The following ADGRL4 variants were observed in gnomAD, a reference collection of about 807,000 sequenced individuals.
The protein encoded by ADGRL4 is adhesion G protein-coupled receptor L4.
A neutral mutation model predicts 74.8 loss-of-function variants in ADGRL4; 90 were observed. The observed-to-expected ratio is 1.20, with a 90% confidence interval of 1.02 to 1.43. The LOEUF (loss-of-function observed/expected upper bound fraction) is 1.43. ADGRL4 is among the 40% of genes most tolerant of loss of function. The probability of loss-of-function intolerance (pLI) is 0.00; values close to 1 mark genes in which losing one functional copy is unlikely to be tolerated. For synonymous variants in ADGRL4, 311 were observed against 279.2 expected (o/e 1.11, Z -1.14); for missense variants, 881 against 814.3 (o/e 1.08, Z -1.00).
At chr1:78,925,730 C>T (rs1376527157) in intron 8 of ADGRL4, among the ~76,000 whole-genome samples, 1 of 151,958 alleles carries the variant, frequency 6.6e-6, no homozygotes, top group Non-Finnish European at 1.5e-5. Context: ...CCAGGAATTA[C>T]CGTGAAGAGT....
chr1:78,915,679 G>T (rs1223502049), intron 12 of ADGRL4, among the ~76,000 whole-genome samples: 2 of 151,794 alleles, frequency 1.3e-5, no homozygotes, highest in African/African-American at 4.8e-5. Flanking sequence ...GGCCTAAACT[G>T]TTGGTGGTTC....
chr1:78,934,425 T>A (rs1649311004), intron 7 of ADGRL4, among the ~76,000 whole-genome samples: 1 of 152,134 alleles, frequency 6.6e-6, no homozygotes. Flanking sequence ...AAGACTTAAA[T>A]GTAAAACCCA....
chr1:78,905,225 AT>A lies in ADGRL4; in HGVS notation c.1750-12037del, dbSNP rs1557492374. On this transcript the variant is annotated intron_variant, in intron 12 of 14. Coordinates refer to ENST00000370742, the MANE Select transcript of ADGRL4 (RefSeq NM_022159.4). The stretch of plus-strand genomic sequence containing the variant: ...TGAGCATTTATCATTTGTGTAAACA[AT>A]TCCTCATTTCTGTTGAAACTTCTCT... Among the ~76,000 whole-genome samples the A allele has an allele frequency of 4.6e-5, 7 of 152,196 alleles. No homozygotes were observed. The South Asian group carries it at 1.5e-3, about 32-fold the overall frequency.
At chr1:78,987,919 A>C (rs763019998) in intron 2 of ADGRL4, among the ~76,000 whole-genome samples, 43 of 151,874 alleles carry the variant, frequency 2.8e-4, no homozygotes, top group African/African-American at 7.7e-4. Context: ...ATACATACTA[A>C]TCATACCATA....
chr1:78,945,454 C>T (rs1027283438), intron 3 of ADGRL4, among the ~76,000 whole-genome samples: 5 of 151,852 alleles, frequency 3.3e-5, no homozygotes, highest in East Asian at 3.9e-4. Context: ...AGAAACCATG[C>T]TTAAGATTAT....
intron 7 of ADGRL4, among the ~76,000 whole-genome samples, chr1:78,932,427 T>C (rs1334392146): frequency 1.3e-5 from 2 of 151,226 alleles, no homozygotes; most frequent in Non-Finnish European, 2.9e-5. Flanking sequence ...TAAAGCAGTA[T>C]TAAGAGGGAA....
intron 2 of ADGRL4, among the ~76,000 whole-genome samples, chr1:78,965,682 G>C (rs1417103128): frequency 6.6e-6 from 1 of 152,060 alleles, no homozygotes; most frequent in Non-Finnish European, 1.5e-5. Flanking sequence ...TGCTAACATT[G>C]ATTCAGCAAC....
rs1159170261 is a variant in ADGRL4, at chr1:78,935,895, G to A, written c.877+400C>T. 1.7e-4 allele frequency among the ~76,000 whole-genome samples: 4 copies of A among 23,432 alleles called. 1 individual carries two copies. Among genetic ancestry groups the A allele is most frequent in the African/African-American group, 4.2e-4 (4 of 9,554 alleles). 15.4% of individuals were successfully genotyped at this position (23,432 alleles called of 152,430 possible). On this transcript the variant is annotated intron_variant, in intron 7 of 14. Coordinates refer to ENST00000370742, the MANE Select transcript of ADGRL4 (RefSeq NM_022159.4). ...TCCCAGCACTTTGGGAGGCCGAGGC[G>A]GGCGGATCACGAGGTCAGGAGATCG...
chr1:78,978,972 G>A (rs1384740446), intron 2 of ADGRL4, among the ~76,000 whole-genome samples: 1 of 151,670 alleles, frequency 6.6e-6, no homozygotes, highest in African/African-American at 2.4e-5. Context: ...TTTAACACTA[G>A]CAGCAGCAAT....
At chr1:78,961,130 G>A (rs990083196) in intron 2 of ADGRL4, among the ~76,000 whole-genome samples, 3 of 151,480 alleles carry the variant, frequency 2.0e-5, no homozygotes, top group Non-Finnish European at 4.4e-5. Flanking sequence ...TCACCAGGCT[G>A]AAGTGCAGTT....
intron 2 of ADGRL4, among the ~76,000 whole-genome samples, chr1:78,948,357 T>C (rs1005616745): frequency 3.9e-5 from 6 of 152,092 alleles, no homozygotes; most frequent in African/African-American, 1.2e-4. Context: ...AGTCAGACAA[T>C]AGAAGGTGGT....
chr1:78,909,298 T>C (rs1385110389), intron 12 of ADGRL4, among the ~76,000 whole-genome samples: 2 of 152,002 alleles, frequency 1.3e-5, no homozygotes, highest in East Asian at 3.9e-4. Context: ...TTTCTCATTG[T>C]ATGCTATTTA....
chr1:79,005,409 T>G (rs1203999958), intron 1 of ADGRL4, among the ~76,000 whole-genome samples, 190 bp from the exon 2 acceptor site: 2 of 152,162 alleles, frequency 1.3e-5, no homozygotes, highest in Admixed American at 6.5e-5. Flanking sequence ...ACTTTTAAGA[T>G]GAAGGCTTTT....
At chr1:78,943,345 T>C (rs2100693148) in intron 3 of ADGRL4, among the ~76,000 whole-genome samples, 1 of 152,316 alleles carries the variant, frequency 6.6e-6, no homozygotes, top group East Asian at 1.9e-4. Context: ...TGTGAAATTC[T>C]TGTGTGTAAC....
chr1:79,005,807 T>G (rs1283378790), intron 1 of ADGRL4, among the ~76,000 whole-genome samples: 1 of 152,222 alleles, frequency 6.6e-6, no homozygotes, highest in Non-Finnish European at 1.5e-5. Context: ...ATAATAAAAT[T>G]TATTTCACTG....
rs17102589 is a variant in ADGRL4 at position 78,987,780 on chromosome 1, A to T, written c.172+17290T>A. 1.7e-3 allele frequency among the ~76,000 whole-genome samples: 258 copies of T among 151,536 alleles called. 1 individual carries two copies. Among genetic ancestry groups the T allele is most frequent in the African/African-American group, 5.9e-3 (243 of 41,404 alleles). On this transcript the variant is annotated intron_variant, in intron 2 of 14. Transcript: ENST00000370742. ...ATTGCATGACTCTTATCATTTTCCA[A>T]GACAGGCCACATTTATTTGCCCTTT...
At chr1:78,892,129 A>G (rs1648290808) in intron 13 of ADGRL4, among the ~76,000 whole-genome samples, 1 of 152,194 alleles carries the variant, frequency 6.6e-6, no homozygotes, top group Admixed American at 6.6e-5. Flanking sequence ...GGGTCAGCAC[A>G]TATCTACTAC....
chr1:78,992,247 C>T (rs911721756), intron 2 of ADGRL4, among the ~76,000 whole-genome samples: 5 of 151,948 alleles, frequency 3.3e-5, no homozygotes, highest in Admixed American at 1.3e-4. Context: ...TTCTGTCTTT[C>T]GGCAACTTAT....
chr1:78,901,429 C>A (rs560361615), intron 12 of ADGRL4, among the ~76,000 whole-genome samples: 1 of 152,174 alleles, frequency 6.6e-6, no homozygotes, highest in South Asian at 2.1e-4. Flanking sequence ...TGTGTTAAAA[C>A]TGATAAAATG....
Sources: allele counts gnomAD v4.1 joint callset (sites outside exome capture counted in the v4.1 genomes callset), GRCh38; gene constraint gnomAD v4.1.1; transcripts MANE v1.5; gene names NCBI Gene and HGNC (gene_info 2026-07-23, HGNC 2026-07-21).